SPHKAP: variants seen among roughly 807,000 people sequenced by gnomAD.
SPHKAP encodes A-kinase anchor protein SPHKAP.
SPHKAP carries 67 observed loss-of-function variants against 137.5 expected under a neutral mutation model. The observed-to-expected ratio is 0.49, with a 90% CI of 0.40 to 0.60. The LOEUF (loss-of-function observed/expected upper bound fraction) is 0.60. Among genes scored for constraint, SPHKAP ranks in the 20% least tolerant of loss-of-function variants. SPHKAP has a pLI of 0.00. For missense variants in SPHKAP, 2,097 were observed against 2,069.3 expected (o/e 1.01, Z -0.26); for synonymous variants, 813 against 785.3 (o/e 1.04, Z -0.59).
chr2:228,016,812 C>T lies in SPHKAP; in HGVS notation c.4042G>A (p.Ala1348Thr). The change falls in exon 7 of 12, where the codon GCA becomes ACA. Residue 1348 changes from alanine (A) to threonine (T), a missense_variant. By Grantham distance (58) the Ala-to-Thr change is moderately conservative. Transcript: ENST00000392056. ...ATCCTGCTCGCAGCTAATCTATTTG[C>T]ACACTTCTCTGCTTGCGAGGGAGAG... is the stretch of plus-strand genomic sequence containing the variant. ...GGSPSQAEKC[A>T]NRLAASRMCS... 2 of 1,614,026 alleles carry T rather than the reference C, an allele frequency of 1.2e-6. No homozygotes were observed. Among genetic ancestry groups the T allele is most frequent in the Non-Finnish European group, 1.7e-6 (2 of 1,179,984 alleles).
At chr2:228,077,539 T>C (rs1697224474) in intron 3 of SPHKAP, among the ~76,000 whole-genome samples, 4 of 152,236 alleles carry the variant, frequency 2.6e-5, no homozygotes, top group Admixed American at 2.0e-4. Context: ...GATTTCAGAC[T>C]TGCATGGGGC....
chr2:228,064,916 G>T (rs1219868061), intron 3 of SPHKAP, among the ~76,000 whole-genome samples: 1 of 152,182 alleles, frequency 6.6e-6, no homozygotes, highest in Non-Finnish European at 1.5e-5. Context: ...TATTATCAGG[G>T]TCATTTCTCA....
intron 11 of SPHKAP, among the ~76,000 whole-genome samples, chr2:227,984,239 G>T (rs1467548599): frequency 2.0e-5 from 3 of 149,870 alleles, no homozygotes; most frequent in Non-Finnish European, 4.4e-5. Flanking sequence ...GGCGGAAGTT[G>T]CAGTGAGCTG....
chr2:228,165,390 A>C (rs1284067901), intron 1 of SPHKAP, among the ~76,000 whole-genome samples: 2 of 152,220 alleles, frequency 1.3e-5, no homozygotes, highest in Non-Finnish European at 2.9e-5. Flanking sequence ...GATATTTATC[A>C]AGGGCCTGCT....
chr2:228,086,306 C>A (rs1022049808), intron 3 of SPHKAP, among the ~76,000 whole-genome samples: 1 of 151,754 alleles, frequency 6.6e-6, no homozygotes, highest in African/African-American at 2.4e-5. Context: ...TAAACCACAA[C>A]CCACTCCCTT....
Position 227,987,893 on chromosome 2 carries a change from G to A in SPHKAP, c.4959+3107C>T, listed in dbSNP as rs532740964. Among the ~76,000 whole-genome samples the A allele has an allele frequency of 2.1e-4, 32 of 152,286 alleles. No homozygotes were observed. In the South Asian group the frequency reaches 2.7e-3, roughly 13 times the overall value. On this transcript the variant is annotated intron_variant, in intron 11 of 11. Coordinates refer to ENST00000392056, the MANE Select transcript of SPHKAP (RefSeq NM_001142644.2). ...AAAATTTTAGGATTCACACAAATTAGGAACTCAGGGATTCATCTGTGAATA... is the reference window on the plus strand; with the variant it reads ...AAAATTTTAGGATTCACACAAATTAAGAACTCAGGGATTCATCTGTGAATA...
intron 11 of SPHKAP, among the ~76,000 whole-genome samples, chr2:227,985,195 T>C (rs919190271): frequency 8.5e-5 from 13 of 152,260 alleles, no homozygotes; most frequent in African/African-American, 2.6e-4. Context: ...GAATCTGTCA[T>C]AATTTCTAAG....
chr2:228,083,815 A>T (rs536252409), intron 3 of SPHKAP, among the ~76,000 whole-genome samples: 3 of 152,288 alleles, frequency 2.0e-5, no homozygotes, highest in Middle Eastern at 6.8e-3. Context: ...CATCATTCTC[A>T]GCAAACTAAC....
chr2:228,068,378 C>T (rs991444404), intron 3 of SPHKAP, among the ~76,000 whole-genome samples: 4 of 151,486 alleles, frequency 2.6e-5, no homozygotes, highest in African/African-American at 9.7e-5. Context: ...AAAAAAACAA[C>T]ACCTTAAAAT....
chr2:227,991,302 A>T lies in SPHKAP; in HGVS notation c.4746T>A (p.Ile1582=), dbSNP rs1027484391. 6.2e-7 allele frequency: 1 copy of T among 1,614,218 alleles called. No homozygotes were observed. Among genetic ancestry groups the T allele is most frequent in the Non-Finnish European group, 8.5e-7 (1 of 1,180,018 alleles). The change falls in exon 10 of 12, where the codon ATT becomes ATA. Residue 1582 remains isoleucine (I), a synonymous_variant. Coordinates refer to ENST00000392056, the MANE Select transcript of SPHKAP (RefSeq NM_001142644.2). ...CTGTGCTTTCTGACTGTCCTTTAAGAATCTTCTTTTCTTCTACTAATTCAC... is the reference window on the plus strand; with the variant it reads ...CTGTGCTTTCTGACTGTCCTTTAAGTATCTTCTTTTCTTCTACTAATTCAC... ...MINELVEEKK[I]LKGQSESTEA... is the part of the protein sequence containing the mutation.
intron 1 of SPHKAP, among the ~76,000 whole-genome samples, chr2:228,141,317 G>T (rs749250730): frequency 1.3e-5 from 2 of 152,180 alleles, no homozygotes; most frequent in African/African-American, 2.4e-5. Context: ...TTTGTCATGA[G>T]ATGGTTGTGG....
chr2:228,071,790 T>TTA (rs910743526), intron 3 of SPHKAP, among the ~76,000 whole-genome samples: 14 of 122,610 alleles, frequency 1.1e-4, no homozygotes, highest in African/African-American at 4.4e-4. Context: ...CAATTCAACC[T>TTA]TTTTTTTTTG....
intron 3 of SPHKAP, among the ~76,000 whole-genome samples, chr2:228,089,782 T>G (rs927808383): frequency 6.6e-6 from 1 of 152,146 alleles, no homozygotes; most frequent in African/African-American, 2.4e-5. Context: ...CTTTGGAGAA[T>G]GTAAGCTGCT....
chr2:228,057,621 AGATG>A (rs141181110), intron 3 of SPHKAP, among the ~76,000 whole-genome samples: 2,682 of 152,240 alleles, frequency 0.018, 79 homozygotes, highest in African/African-American at 0.06. Context: ...GGAGCCCATA[AGATG>A]GAGAGAGGTT....
At chr2:227,986,720 T>A (rs1165375211) in intron 11 of SPHKAP, among the ~76,000 whole-genome samples, 2 of 152,270 alleles carry the variant, frequency 1.3e-5, no homozygotes, top group East Asian at 3.9e-4. Context: ...ACCCATTTCC[T>A]CCTTGGGCAC....
At position 228,088,001 on chromosome 2, in the gene SPHKAP, C is replaced by G. The variant is rs188308521; in HGVS notation, c.246+20831G>C. On this transcript the variant is annotated intron_variant, in intron 3 of 11. Transcript: ENST00000392056. ...GTTGTATTCTTAGACCTATAACATACACATTTCTATTGTACATTTCATATT... is the reference window on the plus strand; with the variant it reads ...GTTGTATTCTTAGACCTATAACATAGACATTTCTATTGTACATTTCATATT... 7.9e-5 allele frequency among the ~76,000 whole-genome samples: 12 copies of G among 152,232 alleles called. No individual in the cohort carries two copies. The East Asian group carries it at 2.3e-3, about 29-fold the overall frequency.
chr2:228,176,632 C>T (rs1700749420), intron 1 of SPHKAP, among the ~76,000 whole-genome samples: 1 of 152,154 alleles, frequency 6.6e-6, no homozygotes, highest in Admixed American at 6.5e-5. Context: ...CCCAACACTT[C>T]GGGAGGCCAG....
chr2:228,036,012 A>C (rs1174480646), intron 3 of SPHKAP, among the ~76,000 whole-genome samples: 2 of 150,534 alleles, frequency 1.3e-5, no homozygotes, highest in South Asian at 4.3e-4. Flanking sequence ...CAATGGCAAC[A>C]AAAGCCAAAA....
chr2:228,158,117 C>A (rs1021352283), intron 1 of SPHKAP, among the ~76,000 whole-genome samples: 2 of 152,052 alleles, frequency 1.3e-5, no homozygotes, highest in Non-Finnish European at 2.9e-5. Context: ...TGCACTCAAG[C>A]AAAGCAGCAT....
Sources: allele counts gnomAD v4.1 joint callset (sites outside exome capture counted in the v4.1 genomes callset), GRCh38; gene constraint gnomAD v4.1.1; transcripts MANE v1.5; gene names NCBI Gene and HGNC (gene_info 2026-07-23, HGNC 2026-07-21).